The following MALRD1 variants were observed in gnomAD, a reference collection of about 807,000 sequenced individuals.
The protein encoded by MALRD1 is MAM and LDL-receptor class A domain-containing protein 1.
Under a neutral mutation model 242.1 loss-of-function variants are expected in MALRD1, and 247 were observed. The observed-to-expected ratio is 1.02, with a 90% CI of 0.92 to 1.13. The LOEUF (loss-of-function observed/expected upper bound fraction) is 1.13. Among genes scored for constraint, MALRD1 ranks in the 50% most tolerant of loss-of-function variants. The pLI is 0.00. For missense variants in MALRD1, 2,989 were observed against 2,533.1 expected (o/e 1.18, Z -3.86); for synonymous variants, 995 against 866.6 (o/e 1.15, Z -2.60).
intron 31 of MALRD1, among the ~76,000 whole-genome samples, chr10:19,503,646 A>G (rs1006429614): frequency 3.9e-5 from 6 of 152,170 alleles, no homozygotes; most frequent in African/African-American, 1.4e-4. Flanking sequence ...TCATAACTTT[A>G]TGTTCTTTTA....
chr10:19,663,867 G>C (rs1005794173), intron 36 of MALRD1, among the ~76,000 whole-genome samples: 1 of 152,102 alleles, frequency 6.6e-6, no homozygotes, highest in African/African-American at 2.4e-5. Context: ...TGCTGGGCTA[G>C]CTTTGACCAG....
At chr10:19,652,709 C>T (rs925199101) in intron 36 of MALRD1, among the ~76,000 whole-genome samples, 6 of 152,238 alleles carry the variant, frequency 3.9e-5, no homozygotes, top group Admixed American at 6.5e-5. Flanking sequence ...ATTGTATACC[C>T]TGTGATTGTC....
intron 26 of MALRD1, among the ~76,000 whole-genome samples, chr10:19,361,175 T>C (rs1454913704): frequency 6.6e-6 from 1 of 152,130 alleles, no homozygotes; most frequent in Non-Finnish European, 1.5e-5. Context: ...TTATCACCAG[T>C]GTGGAACATG....
rs528888830 is a variant in MALRD1 at position 19,185,734 on chromosome 10, T to G, written c.1951+10406T>G. On this transcript the variant is annotated intron_variant, in intron 14 of 39. Coordinates refer to ENST00000454679, the MANE Select transcript of MALRD1 (RefSeq NM_001142308.3). ...TTGCATTACTCTGCACTGAGACTTA[T>G]GTTTTCTTTTATTACATAAATGCAT... Among the ~76,000 whole-genome samples the G allele has an allele frequency of 4.6e-5, 7 of 152,290 alleles. No individual in the cohort carries two copies. In the South Asian group the frequency reaches 1.5e-3, roughly 32 times the overall value.
chr10:19,505,715 A>G (rs1043429675), intron 31 of MALRD1, among the ~76,000 whole-genome samples: 60 of 152,192 alleles, frequency 3.9e-4, no homozygotes, highest in African/African-American at 1.4e-3. Context: ...TGCTTCTCAC[A>G]TTTCAACCAA....
At chr10:19,374,420 A>T (rs1845514645) in intron 26 of MALRD1, among the ~76,000 whole-genome samples, 1 of 152,224 alleles carries the variant, frequency 6.6e-6, no homozygotes, top group African/African-American at 2.4e-5. Flanking sequence ...TATAAAGCCC[A>T]GTAGCATAAT....
chr10:19,191,456 T>C (rs1007237210), intron 14 of MALRD1, among the ~76,000 whole-genome samples: 1 of 152,298 alleles, frequency 6.6e-6, no homozygotes, highest in East Asian at 1.9e-4. Context: ...ATTAAAAATA[T>C]AATTACCATA....
rs537963108 is a variant in MALRD1 at position 19,125,031 on chromosome 10, C to T, written c.943+361C>T. Among the ~76,000 whole-genome samples the T allele has an allele frequency of 9.9e-5, 14 of 140,704 alleles. No individual in the cohort carries two copies. The South Asian group carries it at 1.4e-3, about 14-fold the overall frequency. 92.3% of individuals were successfully genotyped at this position (140,704 alleles called of 152,430 possible). ...TGAGATCTCGGCCCACTGCAACCCC[C>T]GCCTCCTGGGTTCAAGTGATTCTCC... On this transcript the variant is annotated intron_variant, in intron 7 of 39. Coordinates refer to ENST00000454679, the MANE Select transcript of MALRD1 (RefSeq NM_001142308.3).
chr10:19,724,287 A>G (rs77332618), intron 38 of MALRD1, among the ~76,000 whole-genome samples: 259 of 152,352 alleles, frequency 1.7e-3, no homozygotes, highest in Middle Eastern at 0.01. Context: ...AGTTAACATA[A>G]AGAAATTAAA....
chr10:19,335,912 G>A (rs575104567), intron 24 of MALRD1, among the ~76,000 whole-genome samples: 90 of 151,980 alleles, frequency 5.9e-4, no homozygotes, highest in Non-Finnish European at 8.5e-4. Flanking sequence ...CCATCAACCC[G>A]TCATCTACAT....
chr10:19,156,468 T>TG (rs988697419), intron 12 of MALRD1, among the ~76,000 whole-genome samples: 3 of 151,600 alleles, frequency 2.0e-5, no homozygotes, highest in African/African-American at 7.3e-5. Flanking sequence ...GAGCGTTTTT[T>TG]TTTTTTTTTT....
rs1589454273 is a variant in MALRD1, at chr10:19,730,790, C to T, written c.6390+9C>T. ...ACCCAGAGAAAACAGAGGTAAGTGGCAAGGGTGAACTATATCTTTTCACAC... is the reference window on the plus strand; with the variant it reads ...ACCCAGAGAAAACAGAGGTAAGTGGTAAGGGTGAACTATATCTTTTCACAC... On this transcript the variant is annotated intron_variant, in intron 39 of 39. Transcript: ENST00000454679. 8.5e-6 allele frequency: 13 copies of T among 1,535,568 alleles called. No homozygotes were observed. In the East Asian group the frequency reaches 2.7e-4, roughly 32 times the overall value.
chr10:19,447,234 C>T (rs1835047502), intron 28 of MALRD1, among the ~76,000 whole-genome samples: 1 of 152,062 alleles, frequency 6.6e-6, no homozygotes, highest in Non-Finnish European at 1.5e-5. Context: ...TAACATAGTA[C>T]CTGGCACTGT....
intron 38 of MALRD1, among the ~76,000 whole-genome samples, chr10:19,718,734 C>T (rs1223160308): frequency 6.6e-6 from 1 of 152,100 alleles, no homozygotes; most frequent in African/African-American, 2.4e-5. Flanking sequence ...TAACCATTCT[C>T]CTATTATTAG....
intron 32 of MALRD1, among the ~76,000 whole-genome samples, chr10:19,558,194 A>C (rs1835810432): frequency 6.6e-6 from 1 of 152,076 alleles, no homozygotes; most frequent in South Asian, 2.1e-4. Context: ...TCATCTATGA[A>C]CAGTTTTATT....
At chr10:19,148,355 T>C (rs1833801211) in intron 11 of MALRD1, among the ~76,000 whole-genome samples, 1 of 151,960 alleles carries the variant, frequency 6.6e-6, no homozygotes, top group Non-Finnish European at 1.5e-5. Flanking sequence ...GGTGCTTCAG[T>C]TTTATTAGAT....
At chr10:19,197,388 T>C (rs1836313014) in intron 14 of MALRD1, among the ~76,000 whole-genome samples, 1 of 152,224 alleles carries the variant, frequency 6.6e-6, no homozygotes, top group African/African-American at 2.4e-5. Flanking sequence ...TAAAGTCAGA[T>C]GTTGTCACAT....
At chr10:19,181,378 T>TA (rs1216363497) in intron 14 of MALRD1, among the ~76,000 whole-genome samples, 2 of 152,134 alleles carry the variant, frequency 1.3e-5, no homozygotes, top group Admixed American at 1.3e-4. Flanking sequence ...TATTCAGCCT[T>TA]AAAAAAAGAG....
chr10:19,591,682 A>C (rs1385501490), intron 33 of MALRD1, among the ~76,000 whole-genome samples: 1 of 151,904 alleles, frequency 6.6e-6, no homozygotes, highest in African/African-American at 2.4e-5. Flanking sequence ...ATTTTTAGAA[A>C]AGACAGGGAT....
Sources: allele counts gnomAD v4.1 joint callset (sites outside exome capture counted in the v4.1 genomes callset), GRCh38; gene constraint gnomAD v4.1.1; transcripts MANE v1.5; gene names NCBI Gene and HGNC (gene_info 2026-07-23, HGNC 2026-07-21).